The following ADAMTS4 variants were observed in gnomAD, a reference collection of about 807,000 sequenced individuals.
The protein encoded by ADAMTS4 is A disintegrin and metalloproteinase with thrombospondin motifs 4.
A neutral mutation model predicts 66.7 loss-of-function variants in ADAMTS4; 38 were observed. The ratio of observed to expected loss-of-function variants is 0.57; its 90% confidence interval spans 0.44 to 0.75. The LOEUF (loss-of-function observed/expected upper bound fraction) is 0.75. Among genes scored for constraint, ADAMTS4 ranks in the 30% least tolerant of loss-of-function variants. The pLI is 0.00. For missense variants in ADAMTS4, 1,014 were observed against 1,116.7 expected (o/e 0.91, Z 1.31); for synonymous variants, 418 against 461.5 (o/e 0.91, Z 1.21).
In ADAMTS4 at chr1:161,191,285, GCC is replaced by G; in HGVS notation, c.2365_2366del (p.Gly789GlnfsTer112). 1 of 1,613,612 alleles carries G rather than the reference GCC, an allele frequency of 6.2e-7. No individual in the cohort carries two copies. Among genetic ancestry groups the G allele is most frequent in the Non-Finnish European group, 8.5e-7 (1 of 1,179,992 alleles). ...ATCGGAGGCGTGTGTCCTGGGGGTT[GCC>G]AGCCACTAGGACTTGCAGTGTCAAA... ...QPLTLQVLVA[G>X]NPQDTRLRYS... On this transcript the variant is annotated frameshift_variant, in exon 9 of 9. Transcript: ENST00000367996. LOFTEE classifies it high-confidence loss of function.
Position 161,195,550 on chromosome 1 carries a change from G to C in ADAMTS4, c.1176C>G (p.Ala392=), listed in dbSNP as rs757856783. 12 of 1,613,884 alleles carry C rather than the reference G, an allele frequency of 7.4e-6. No individual in the cohort carries two copies. In the African/African-American group the frequency reaches 1.1e-4, roughly 14 times the overall value. ...CAGGATCCACATGAGCCATCACAGG[G>C]GCCATGACATGGCGAGAGGTGCTCA... The part of the protein sequence containing the change: ...GPLSTSRHVM[A]PVMAHVDPEE... Residue 392 remains alanine, a synonymous_variant, in exon 4 of 9, where the codon GCC becomes GCG. Transcript: ENST00000367996.
At chr1:161,195,406 G>A (rs1445084264) in intron 4 of ADAMTS4, 59 bp downstream of exon 4, 6 of 1,515,132 alleles carry the variant, frequency 4.0e-6, no homozygotes, top group Non-Finnish European at 5.3e-6. Context: ...GGAAGTGAGA[G>A]TGCCCTGGAG....
In ADAMTS4 at chr1:161,194,670, T is replaced by C. The variant is rs1664770390; in HGVS notation, c.1262-449A>G. 6.6e-6 allele frequency among the ~76,000 whole-genome samples: 1 copy of C among 152,232 alleles called. No homozygotes were observed. The highest frequency in any genetic ancestry group is 2.4e-5 in the African/African-American group (1 of 41,464). The stretch of plus-strand genomic sequence containing the variant: ...TCCCAAAGCATTGGGATTACAGGTG[T>C]AAGCCACTGTGCCTAGCCCTGTAAG... On this transcript the variant is annotated intron_variant, in intron 4 of 8. Coordinates refer to ENST00000367996, the MANE Select transcript of ADAMTS4 (RefSeq NM_005099.6). This position sits in a 1 kb window ranked among gnomAD's most constrained non-coding sequence, Gnocchi z 4.1.
Position 161,190,107 on chromosome 1 carries a change from C to T in ADAMTS4, c.*1031G>A, listed in dbSNP as rs1664627536. On this transcript the variant is annotated 3_prime_UTR_variant, in exon 9 of 9. Transcript: ENST00000367996. ...GTGGCTCACGCCTGTAATCCCAGCA[C>T]TTTGGGAGATGAAGGCGAGTGGATC... 1 of 152,162 alleles carries T rather than the reference C, an allele frequency of 6.6e-6. No individual in the cohort carries two copies. The highest frequency in any genetic ancestry group is 2.4e-5 in the African/African-American group (1 of 41,412). 9.4% of individuals were successfully genotyped at this position (152,162 alleles called of 1,614,324 possible).
rs200971701 is a variant in ADAMTS4 at position 161,196,898 on chromosome 1, G to C, written c.634-18C>G. Reference sequence around the variant, plus strand: ...GCAAAGCGCTGTAGAGAAAAAGGGAGAGGAAGATCCTGAAATAGCCTCTCA... The same window carrying C: ...GCAAAGCGCTGTAGAGAAAAAGGGACAGGAAGATCCTGAAATAGCCTCTCA... On this transcript the variant is annotated intron_variant, in intron 1 of 8. Transcript: ENST00000367996. The C allele has an allele frequency of 5.4e-5, 84 of 1,568,318 alleles. No homozygotes were observed. Among genetic ancestry groups the C allele is most frequent in the Non-Finnish European group, 6.8e-5 (79 of 1,160,852 alleles).
At chr1:161,195,863 C>G in intron 3 of ADAMTS4, 2 of 569,950 alleles carry the variant, frequency 3.5e-6, no homozygotes, top group South Asian at 5.2e-5. Context: ...ACCCACTTTT[C>G]CTTATAGCCA....
intron 1 of ADAMTS4, among the ~76,000 whole-genome samples, chr1:161,197,715 T>C (rs1664910535): frequency 6.6e-6 from 1 of 150,992 alleles, no homozygotes; most frequent in Non-Finnish European, 1.5e-5. Flanking sequence ...GGAGATGCCA[T>C]GGCCAGGAAG....
In ADAMTS4 at chr1:161,194,539, G is replaced by A. The variant is rs1210949613; in HGVS notation, c.1262-318C>T. On this transcript the variant is annotated intron_variant, in intron 4 of 8. Transcript: ENST00000367996. The surrounding 1 kb of genome is among the most constrained non-coding windows in gnomAD (Gnocchi z 4.1). ...TGAGTAGCTGGGATTACAGGCATGT[G>A]CCATGTCCAGCTAATTTTTTGGAAT... Among the ~76,000 whole-genome samples, 1 of 151,962 alleles carries A rather than the reference G, an allele frequency of 6.6e-6. No homozygotes were observed. Among genetic ancestry groups the A allele is most frequent in the Admixed American group, 6.6e-5 (1 of 15,262 alleles).
chr1:161,188,918 T>C lies in ADAMTS4; in HGVS notation c.*2220A>G, dbSNP rs897107448. The C allele has an allele frequency of 5.3e-5, 4 of 76,112 alleles. No homozygotes were observed. The highest frequency in any genetic ancestry group is 3.2e-4 in the Admixed American group (2 of 6,178). The allele number at this position is 76,112 out of a possible 1,614,324, so 4.7% of individuals were successfully genotyped here. On this transcript the variant is annotated 3_prime_UTR_variant, in exon 9 of 9. Transcript: ENST00000367996. Reference sequence around the variant, plus strand: ...TATATATATATATATATTTTGTATTTTTAGTAGACACGGGGTTTCACTGTG... The same window carrying C: ...TATATATATATATATATTTTGTATTCTTAGTAGACACGGGGTTTCACTGTG...
rs147638828 is a variant in ADAMTS4, at chr1:161,189,484, G to C, written c.*1654C>G. 184 of 152,290 alleles carry C rather than the reference G, an allele frequency of 1.2e-3. No individual in the cohort carries two copies. The highest frequency in any genetic ancestry group is 4.3e-3 in the African/African-American group (180 of 41,538). 9.4% of individuals were successfully genotyped at this position (152,290 alleles called of 1,614,324 possible). A position where few individuals can be genotyped will look rare whatever the true frequency, so the allele number is the denominator to read the frequency against. ...CTGCACCTTCATGTTCTTGTCAATT[G>C]TATTTGTAGCCACGTGCTTACTATG... is the stretch of plus-strand genomic sequence containing the variant. On this transcript the variant is annotated 3_prime_UTR_variant, in exon 9 of 9. Transcript: ENST00000367996.
chr1:161,196,178 A>G lies in ADAMTS4; in HGVS notation c.1083T>C (p.His361=), dbSNP rs747062210. The change falls in exon 3 of 9, where the codon CAT becomes CAC. Residue 361 remains histidine (H), a synonymous_variant. Coordinates refer to ENST00000367996, the MANE Select transcript of ADAMTS4 (RefSeq NM_005099.6). ...CATCCACCCCTACTTTACCCAGTTC[A>G]TGAGCAGCAGTGAAGGCTGACTGGA... The part of the protein sequence containing the change: ...DGLQSAFTAA[H]ELGHVFNMLH... 1 of 1,600,796 alleles carries G rather than the reference A, an allele frequency of 6.2e-7. No individual in the cohort carries two copies. The highest frequency in any genetic ancestry group is 8.5e-7 in the Non-Finnish European group (1 of 1,174,362).
rs760202403 is a variant in ADAMTS4 at position 161,191,545 on chromosome 1, C to A, written c.2107G>T (p.Val703Phe). The A allele has an allele frequency of 5.0e-6, 8 of 1,612,004 alleles. No individual in the cohort carries two copies. The highest frequency in any genetic ancestry group is 1.3e-5 in the African/African-American group (1 of 74,904). Residue 703 changes from valine (V) to phenylalanine (F), a missense_variant, in exon 9 of 9, where the codon GTC becomes TTC. Val to Phe is a conservative substitution (Grantham distance 50). Coordinates refer to ENST00000367996, the MANE Select transcript of ADAMTS4 (RefSeq NM_005099.6). ...RKFRYGYNNVVTIPAGATHIL... is the reference protein window; with the variant it reads ...RKFRYGYNNVFTIPAGATHIL... Reference sequence around the variant, plus strand: ...TGGGTGGCCCCCGCGGGGATAGTGACCACATTGTTGTATCCGTACCTGTGT... The same window carrying A: ...TGGGTGGCCCCCGCGGGGATAGTGAACACATTGTTGTATCCGTACCTGTGT...
intron 1 of ADAMTS4, chr1:161,197,101 T>G: frequency 1.9e-6 from 1 of 532,388 alleles, no homozygotes; most frequent in Non-Finnish European, 3.3e-6. Flanking sequence ...AGCAGCTGGT[T>G]CTAAGAAGGG....
rs1664503200 is a variant in ADAMTS4, at chr1:161,184,617, C to A, written c.*6521G>T. 1 of 152,178 alleles carries A rather than the reference C, an allele frequency of 6.6e-6. No homozygotes were observed. Among genetic ancestry groups the A allele is most frequent in the Non-Finnish European group, 1.5e-5 (1 of 68,040 alleles). The allele number at this position is 152,178 out of a possible 1,614,324, so 9.4% of individuals were successfully genotyped here. ...AAATAAATGGGATAAACAGTCAATT[C>A]TCAATGCACGATTAGGTCAATTAAT... On this transcript the variant is annotated 3_prime_UTR_variant, in exon 9 of 9. Coordinates refer to ENST00000367996, the MANE Select transcript of ADAMTS4 (RefSeq NM_005099.6).
chr1:161,197,993 A>G lies in ADAMTS4; in HGVS notation c.633+2T>C. 1 of 1,554,954 alleles carries G rather than the reference A, an allele frequency of 6.4e-7. No individual in the cohort carries two copies. Among genetic ancestry groups the G allele is most frequent in the Non-Finnish European group, 8.7e-7 (1 of 1,148,692 alleles). On this transcript the variant is annotated splice_donor_variant, in intron 1 of 8. Coordinates refer to ENST00000367996, the MANE Select transcript of ADAMTS4 (RefSeq NM_005099.6). LOFTEE classifies it high-confidence loss of function. The stretch of plus-strand genomic sequence containing the variant: ...CAGGACACAGACTCCAGAGATGCCT[A>G]CCTTGGCTCTTCGGGGTCTGGGGCT...
At position 161,192,545 on chromosome 1, in the gene ADAMTS4, C is replaced by T. The variant is rs1164844284; in HGVS notation, c.1912-305G>A. ...CTATTTGAGGTTTTTAGGGATGGAACGTTGAGGTTTAGAAAAGCTAAAGAA... is the reference window on the plus strand; with the variant it reads ...CTATTTGAGGTTTTTAGGGATGGAATGTTGAGGTTTAGAAAAGCTAAAGAA... On this transcript the variant is annotated intron_variant, in intron 7 of 8. Transcript: ENST00000367996. Among the ~76,000 whole-genome samples, 5 of 151,920 alleles carry T rather than the reference C, an allele frequency of 3.3e-5. No homozygotes were observed. The South Asian group carries it at 1.0e-3, about 32-fold the overall frequency.
chr1:161,196,972 A>T, intron 1 of ADAMTS4, 92 bp from the exon 2 acceptor site: 1 of 1,232,958 alleles, frequency 8.1e-7, no homozygotes, highest in Non-Finnish European at 1.1e-6. Context: ...TGGGTCTGGA[A>T]CTCAGCATAG....
Position 161,184,325 on chromosome 1 carries a change from A to G in ADAMTS4, c.*6813T>C, listed in dbSNP as rs1664493806. ...TATAAGGAAAGGAGAACTGGCCTTT[A>G]TTGACCACTTACTAAAAGCCAGACA... On this transcript the variant is annotated 3_prime_UTR_variant, in exon 9 of 9. Transcript: ENST00000367996. 1.3e-5 allele frequency: 2 copies of G among 152,248 alleles called. No homozygotes were observed. The highest frequency in any genetic ancestry group is 1.3e-4 in the Admixed American group (2 of 15,288). 9.4% of individuals were successfully genotyped at this position (152,248 alleles called of 1,614,324 possible). A position where few individuals can be genotyped will look rare whatever the true frequency, so the allele number is the denominator to read the frequency against.
In ADAMTS4 at chr1:161,193,336, G is replaced by C; in HGVS notation, c.1788C>G (p.Leu596=). 6.2e-7 allele frequency: 1 copy of C among 1,614,106 alleles called. No individual in the cohort carries two copies. Among genetic ancestry groups the C allele is most frequent in the Non-Finnish European group, 8.5e-7 (1 of 1,180,008 alleles). The change falls in exon 7 of 9, where the codon CTC becomes CTG. Residue 596 remains leucine, a synonymous_variant. Coordinates refer to ENST00000367996, the MANE Select transcript of ADAMTS4 (RefSeq NM_005099.6). This position sits in a 1 kb window ranked among gnomAD's most constrained non-coding sequence, Gnocchi z 4.4. ...CCATGGGCCCTGGGAAGCTCTTGAAGAGGTCGGTGCGGTGGTTGTAGGCAG... is the reference window on the plus strand; with the variant it reads ...CCATGGGCCCTGGGAAGCTCTTGAACAGGTCGGTGCGGTGGTTGTAGGCAG... ...QCAAYNHRTD[L]FKSFPGPMDW... is the part of the protein sequence containing the mutation.
Sources: allele counts gnomAD v4.1 joint callset (sites outside exome capture counted in the v4.1 genomes callset), GRCh38; gene constraint gnomAD v4.1.1; non-coding constraint Gnocchi (gnomAD v3.1); transcripts MANE v1.5; gene names NCBI Gene and HGNC (gene_info 2026-07-23, HGNC 2026-07-21).